DAB1: variants seen among roughly 807,000 people sequenced by gnomAD.
DAB1 encodes DAB adaptor protein 1, also known as disabled homolog 1.
A neutral mutation model predicts 64.6 loss-of-function variants in DAB1; 15 were observed. That is an observed-to-expected ratio of 0.23 (90% CI 0.16 to 0.36). The LOEUF is 0.36. DAB1 is among the 10% of genes least tolerant of loss of function. The probability of loss-of-function intolerance (pLI) is 1.00; values close to 1 mark genes in which losing one functional copy is unlikely to be tolerated. For synonymous variants in DAB1, 235 were observed against 251.9 expected, an observed-to-expected ratio of 0.93 and a Z score of 0.64; for missense variants, 596 against 706.7, an observed-to-expected ratio of 0.84 and a Z score of 1.78.
intron 3 of DAB1, among the ~76,000 whole-genome samples, chr1:58,363,659 C>T (rs1446535265): frequency 1.3e-5 from 2 of 152,226 alleles, no homozygotes. Context: ...TGCAAATCAA[C>T]TGTGTCCATG....
chr1:57,326,985 T>C (rs552438274), intron 1 of DAB1, among the ~76,000 whole-genome samples: 15 of 152,230 alleles, frequency 9.9e-5, no homozygotes, highest in African/African-American at 3.6e-4. Flanking sequence ...GTTGCCTGGA[T>C]TGGAGTGCAG....
chr1:58,126,017 T>G (rs1397732153), intron 5 of DAB1, among the ~76,000 whole-genome samples: 1 of 151,998 alleles, frequency 6.6e-6, no homozygotes, highest in African/African-American at 2.4e-5. Flanking sequence ...GCAGGGGAGC[T>G]CACTAAACAC....
At chr1:57,032,322 T>C (rs1418315422) in intron 9 of DAB1, among the ~76,000 whole-genome samples, 1 of 152,158 alleles carries the variant, frequency 6.6e-6, no homozygotes, top group African/African-American at 2.4e-5. Context: ...GTAAGGCACA[T>C]TCCTGTTCCT....
chr1:57,232,593 T>A (rs1667769347), intron 2 of DAB1, among the ~76,000 whole-genome samples: 1 of 152,146 alleles, frequency 6.6e-6, no homozygotes, highest in Non-Finnish European at 1.5e-5. Flanking sequence ...TTCCCAGTTT[T>A]AGGGAGAAAA....
chr1:57,096,078 C>A (rs753455989), intron 4 of DAB1, among the ~76,000 whole-genome samples: 2 of 152,152 alleles, frequency 1.3e-5, no homozygotes, highest in African/African-American at 2.4e-5. Flanking sequence ...ATTTGAGCCT[C>A]ATCATAAGCC....
chr1:57,216,370 A>G lies in DAB1; in HGVS notation c.68-70941T>C, dbSNP rs117107509. On this transcript the variant is annotated intron_variant, in intron 2 of 14. Coordinates refer to ENST00000371236, the MANE Select transcript of DAB1 (RefSeq NM_001365792.1). ...TAAAGTAACTCCTTTATATAATCAT[A>G]AAGAAGTATAATTCCACTGATACTC... Among the ~76,000 whole-genome samples, 20 of 152,296 alleles carry G rather than the reference A, an allele frequency of 1.3e-4. No homozygotes were observed. The East Asian group carries it at 3.7e-3, about 28-fold the overall frequency.
At chr1:57,011,708 G>A (rs770968204) in intron 12 of DAB1, among the ~76,000 whole-genome samples, 7 of 152,198 alleles carry the variant, frequency 4.6e-5, no homozygotes, top group African/African-American at 7.2e-5. Context: ...CAGAGGGCAC[G>A]TTATTGAGCG....
chr1:57,611,557 C>T (rs1446748853), intron 7 of DAB1, among the ~76,000 whole-genome samples: 4 of 152,140 alleles, frequency 2.6e-5, no homozygotes, highest in African/African-American at 9.7e-5. Context: ...TCTCATAGTG[C>T]CGTTTAGATC....
rs17117529 is a variant in DAB1 at position 58,460,818 on chromosome 1, G to A, written n.257+45242C>T. Among the ~76,000 whole-genome samples, 387 of 152,244 alleles carry A rather than the reference G, an allele frequency of 2.5e-3. 2 individuals are homozygous for A. The highest frequency in any genetic ancestry group is 8.9e-3 in the African/African-American group (369 of 41,530). On this transcript the variant is annotated intron_variant and non_coding_transcript_variant, in intron 3 of 20. Coordinates refer to the DAB1 transcript ENST00000485760. ...AAAATCTATGAAGGTTTACTAAGAT[G>A]CAATTTACAGATGAAAATGAATGCT...
chr1:57,781,120 CTCTCTCTATATATATATATATATA>C (rs1282424647), intron 6 of DAB1, among the ~76,000 whole-genome samples: 64 of 48,310 alleles, frequency 1.3e-3, no homozygotes, highest in African/African-American at 3.8e-3. Context: ...CTCTCTCTCT[CTCTCTCTATATATATATATATATA>C]TATATATATA....
At chr1:58,051,363 T>G (rs4322252) in intron 5 of DAB1, among the ~76,000 whole-genome samples, 39,724 of 151,992 alleles carry the variant, frequency 0.26, 5,473 homozygotes, top group African/African-American at 0.33. Context: ...CCATGTCCCT[T>G]CAAAGGACAT....
At chr1:58,135,092 G>A (rs985293023) in intron 5 of DAB1, among the ~76,000 whole-genome samples, 9 of 152,092 alleles carry the variant, frequency 5.9e-5, no homozygotes, top group African/African-American at 2.2e-4. Flanking sequence ...ATTTTTTGTT[G>A]AGGGAAATAC....
chr1:58,108,069 T>C (rs566367243), intron 5 of DAB1, among the ~76,000 whole-genome samples: 38 of 152,342 alleles, frequency 2.5e-4, no homozygotes, highest in African/African-American at 9.1e-4. Context: ...GAGGAACTCA[T>C]GAGTCTGGCT....
At chr1:58,350,617 T>C (rs1191147590) in intron 3 of DAB1, among the ~76,000 whole-genome samples, 2 of 152,196 alleles carry the variant, frequency 1.3e-5, no homozygotes, top group Non-Finnish European at 2.9e-5. Flanking sequence ...CTTTAATCCA[T>C]CTCGAGTTAA....
intron 1 of DAB1, among the ~76,000 whole-genome samples, chr1:57,322,425 C>A (rs190828381): frequency 2.0e-5 from 3 of 152,298 alleles, no homozygotes; most frequent in Admixed American, 2.0e-4. Context: ...CAAGCTGAGT[C>A]TTCCCCATGC....
chr1:57,091,523 C>T (rs550778876), intron 4 of DAB1, among the ~76,000 whole-genome samples: 1 of 152,110 alleles, frequency 6.6e-6, no homozygotes, highest in Non-Finnish European at 1.5e-5. Flanking sequence ...AAAGTCACAT[C>T]TAGGAAGCAG....
intron 2 of DAB1, among the ~76,000 whole-genome samples, chr1:57,285,915 T>C (rs1672279757): frequency 6.6e-6 from 1 of 152,228 alleles, no homozygotes; most frequent in African/African-American, 2.4e-5. Flanking sequence ...TGTCAACTGA[T>C]TGTCCTCCTT....
At chr1:57,327,016 G>T (rs890253273) in intron 1 of DAB1, among the ~76,000 whole-genome samples, 1 of 152,056 alleles carries the variant, frequency 6.6e-6, no homozygotes, top group Admixed American at 6.6e-5. Flanking sequence ...TTGGTTCATC[G>T]CAGCCTCAAC....
chr1:57,996,175 CTGGAACCCGGGA>C (rs1646422573), intron 5 of DAB1, among the ~76,000 whole-genome samples: 2 of 152,122 alleles, frequency 1.3e-5, no homozygotes, highest in South Asian at 4.1e-4. Context: ...AGGAGAATCT[CTGGAACCCGGGA>C]GGCAGAGGAG....
Sources: gnomAD v4.1 joint callset for allele counts (sites outside exome capture counted in the v4.1 genomes callset) on GRCh38, gnomAD v4.1.1 for gene constraint, MANE v1.5 for transcripts, NCBI Gene and HGNC (gene_info 2026-07-23, HGNC 2026-07-21) for gene names.